The following SLC13A3 variants were observed in gnomAD, a reference collection of about 807,000 sequenced individuals.
SLC13A3 encodes solute carrier family 13 member 3.
SLC13A3 carries 40 observed loss-of-function variants against 59.0 expected under a neutral mutation model. The ratio of observed to expected loss-of-function variants is 0.68; its 90% CI spans 0.53 to 0.88. The LOEUF (loss-of-function observed/expected upper bound fraction) is 0.88, where lower values mean the gene tolerates loss of function less well. Among genes scored for constraint, SLC13A3 ranks in the 40% least tolerant of loss-of-function variants. SLC13A3 has a pLI of 0.00. For missense variants in SLC13A3, 699 were observed against 783.2 expected, an observed-to-expected ratio of 0.89 and a Z score of 1.28; for synonymous variants, 317 against 330.3, an observed-to-expected ratio of 0.96 and a Z score of 0.44.
intron 1 of SLC13A3, among the ~76,000 whole-genome samples, chr20:46,646,108 C>T (rs1472901995): frequency 1.3e-5 from 2 of 152,136 alleles, no homozygotes; most frequent in Non-Finnish European, 2.9e-5. Flanking sequence ...AATCAGCAGG[C>T]AGTGTCTGGC....
upstream of SLC13A3, among the ~76,000 whole-genome samples, chr20:46,674,637 T>TGTGTGTGTGTGTGTGTGTG (rs1164243949): frequency 1.6e-5 from 1 of 63,850 alleles, no homozygotes; most frequent in African/African-American, 5.6e-5. Flanking sequence ...GTGTGTGTGT[T>TGTGTGTGTGTGTGTGTGTG]TGTTTGGAGG....
At chr20:46,666,678 A>AT (rs2063064322) in intron 1 of SLC13A3, among the ~76,000 whole-genome samples, 1 of 151,820 alleles carries the variant, frequency 6.6e-6, no homozygotes, top group South Asian at 2.1e-4. Context: ...TAATTTTTAA[A>AT]TTTTTTGTAG....
At chr20:46,659,010 T>C (rs1000656190) in intron 1 of SLC13A3, among the ~76,000 whole-genome samples, 12 of 152,238 alleles carry the variant, frequency 7.9e-5, no homozygotes, top group Admixed American at 6.5e-4. Flanking sequence ...GTATTGTATA[T>C]CTTTTCCACT....
At chr20:46,583,383 T>C in intron 9 of SLC13A3, 189 bp downstream of exon 9, 1 of 1,362,430 alleles carries the variant, frequency 7.3e-7, no homozygotes, top group Non-Finnish European at 9.4e-7. Flanking sequence ...CTGTAGTTGC[T>C]AACCCCTGTC....
At chr20:46,577,738 C>T (rs2062093445) in intron 9 of SLC13A3, among the ~76,000 whole-genome samples, 1 of 152,244 alleles carries the variant, frequency 6.6e-6, no homozygotes, top group African/African-American at 2.4e-5. Flanking sequence ...GCAGCTCAAC[C>T]TGATACCAGC....
chr20:46,598,819 A>G (rs2062342959), intron 4 of SLC13A3, among the ~76,000 whole-genome samples: 1 of 149,550 alleles, frequency 6.7e-6, no homozygotes, highest in Admixed American at 6.7e-5. Context: ...GCCAACTCTC[A>G]GACCCCACCT....
intron 3 of SLC13A3, among the ~76,000 whole-genome samples, chr20:46,601,723 A>G (rs2062382360): frequency 6.6e-6 from 1 of 152,182 alleles, no homozygotes; most frequent in Non-Finnish European, 1.5e-5. Context: ...TTGACTTTGA[A>G]CCAAGACCTG....
At chr20:46,569,162 T>G (rs2062008320) in intron 10 of SLC13A3, among the ~76,000 whole-genome samples, 2 of 152,052 alleles carry the variant, frequency 1.3e-5, no homozygotes, top group Admixed American at 1.3e-4. Flanking sequence ...TTTTTTTAAG[T>G]GTTTTTTTTT....
chr20:46,672,437 C>T (rs1319208133), upstream of SLC13A3, among the ~76,000 whole-genome samples: 1 of 152,182 alleles, frequency 6.6e-6, no homozygotes, highest in Admixed American at 6.5e-5. Flanking sequence ...CTGTGCCAGG[C>T]ACTGTGCTGA....
Position 46,594,272 on chromosome 20 carries a change from C to T in SLC13A3, c.795-1743G>A, listed in dbSNP as rs540939640. 1.1e-4 allele frequency among the ~76,000 whole-genome samples: 16 copies of T among 150,238 alleles called. No individual in the cohort carries two copies. The South Asian group carries it at 3.4e-3, about 32-fold the overall frequency. ...AATATATATTACATACTTAAACATA[C>T]ATAAGATATATTTTAGAAAATATAA... On this transcript the variant is annotated intron_variant, in intron 5 of 12. Coordinates refer to ENST00000279027, the MANE Select transcript of SLC13A3 (RefSeq NM_022829.6).
intron 4 of SLC13A3, among the ~76,000 whole-genome samples, chr20:46,599,609 T>C (rs1247501370): frequency 6.6e-6 from 1 of 152,204 alleles, no homozygotes; most frequent in Non-Finnish European, 1.5e-5. Context: ...TAAGGAATTT[T>C]TTTGTCTGTA....
chr20:46,675,602 C>T (rs2063120472), intron 1 of SLC13A3, among the ~76,000 whole-genome samples: 1 of 143,016 alleles, frequency 7.0e-6, no homozygotes, highest in Non-Finnish European at 1.5e-5. Flanking sequence ...TTGTTTTTAA[C>T]TAAAACTAAA....
intron 9 of SLC13A3, among the ~76,000 whole-genome samples, chr20:46,579,642 A>G (rs1433576412): frequency 2.0e-5 from 3 of 152,206 alleles, no homozygotes; most frequent in Non-Finnish European, 4.4e-5. Flanking sequence ...ACTCCAGTTC[A>G]AAGACCCCTG....
intron 1 of SLC13A3, 128 bp downstream of exon 1, chr20:46,651,183 A>G (rs2062948169): frequency 2.2e-6 from 3 of 1,343,272 alleles, no homozygotes; most frequent in Non-Finnish European, 2.9e-6. Context: ...GGTGCAAGGG[A>G]GGGAAGGCGA....
At position 46,649,796 on chromosome 20, in the gene SLC13A3, T is replaced by G. The variant is rs181728455; in HGVS notation, c.111+1515A>C. Among the ~76,000 whole-genome samples, 184 of 152,238 alleles carry G rather than the reference T, an allele frequency of 1.2e-3. 1 individual carries two copies. Among genetic ancestry groups the G allele is most frequent in the South Asian group, 4.4e-3 (21 of 4,814 alleles). On this transcript the variant is annotated intron_variant, in intron 1 of 12. Transcript: ENST00000279027. ...ATCCTTCTTCCATCATTTATTGTGT[T>G]TTTCTCTTCCACGTCGAGAAAGTCT... is the stretch of plus-strand genomic sequence containing the variant.
chr20:46,650,805 T>C (rs1422503213), intron 1 of SLC13A3, among the ~76,000 whole-genome samples: 1 of 152,078 alleles, frequency 6.6e-6, no homozygotes, highest in Non-Finnish European at 1.5e-5. Flanking sequence ...GTGGTTCACG[T>C]CTGTAATCCC....
intron 1 of SLC13A3, among the ~76,000 whole-genome samples, chr20:46,622,247 G>A (rs1308537296): frequency 1.3e-5 from 2 of 152,188 alleles, no homozygotes; most frequent in Admixed American, 6.5e-5. Context: ...GTAGAGATGA[G>A]TAAGTGAACA....
In SLC13A3 at chr20:46,583,669, C is replaced by G; in HGVS notation, c.1122G>C (p.Gly374=). 1 of 1,614,066 alleles carries G rather than the reference C, an allele frequency of 6.2e-7. No homozygotes were observed. Residue 374 remains glycine, a splice_region_variant and synonymous_variant, in exon 9 of 13, where the codon GGG becomes GGC. Transcript: ENST00000279027. ...CGCCGGTGACAGCATCAGAAAGAAA[C>G]CTACAATGAGAAGGCCCCAAATCAC... The part of the protein sequence containing the change: ...IPGWASLFNP[G]FLSDAVTGVA...
chr20:46,654,730 CATGTTGGCCAGGCT>C (rs1425162022), upstream of SLC13A3, among the ~76,000 whole-genome samples: 1 of 152,134 alleles, frequency 6.6e-6, no homozygotes, highest in Non-Finnish European at 1.5e-5. Context: ...GGGTTTACAC[CATGTTGGCCAGGCT>C]GGTCTCAAAC....
Sources: gnomAD v4.1 joint callset for allele counts (sites outside exome capture counted in the v4.1 genomes callset) on GRCh38, gnomAD v4.1.1 for gene constraint, MANE v1.5 for transcripts, NCBI Gene and HGNC (gene_info 2026-07-23, HGNC 2026-07-21) for gene names.